UBE2H: variants seen among roughly 807,000 people sequenced by gnomAD.
The protein encoded by UBE2H is ubiquitin-conjugating enzyme E2 H.
A neutral mutation model predicts 29.0 loss-of-function variants in UBE2H; 3 were observed. That is an observed-to-expected ratio of 0.10 (90% confidence interval 0.05 to 0.27). UBE2H has a LOEUF of 0.27. Among genes scored for constraint, UBE2H ranks in the 10% least tolerant of loss-of-function variants. The probability of loss-of-function intolerance (pLI) is 1.00; values close to 1 mark genes in which losing one functional copy is unlikely to be tolerated. For missense variants in UBE2H, 68 were observed against 228.2 expected, an observed-to-expected ratio of 0.30 and a Z score of 4.52; for synonymous variants, 69 against 82.9, an observed-to-expected ratio of 0.83 and a Z score of 0.91.
At chr7:129,868,586 CAAAAAAAAA>C (rs11356893) in intron 3 of UBE2H, among the ~76,000 whole-genome samples, 6 of 69,520 alleles carry the variant, frequency 8.6e-5, no homozygotes, top group African/African-American at 3.0e-4. Flanking sequence ...GACTCCGTCT[CAAAAAAAAA>C]AAAAAAAAAA....
At chr7:129,923,331 T>C (rs1156371397) in intron 1 of UBE2H, among the ~76,000 whole-genome samples, 1 of 152,194 alleles carries the variant, frequency 6.6e-6, no homozygotes, top group Non-Finnish European at 1.5e-5. Flanking sequence ...GCAGCTAAAA[T>C]AAAGATCTAC....
chr7:129,868,586 CAAAAAAAA>C (rs11356893), intron 3 of UBE2H, among the ~76,000 whole-genome samples: 33 of 69,526 alleles, frequency 4.7e-4, no homozygotes, highest in Admixed American at 8.7e-4. Flanking sequence ...GACTCCGTCT[CAAAAAAAA>C]AAAAAAAAAA....
chr7:129,889,322 T>G (rs767575984), intron 1 of UBE2H, among the ~76,000 whole-genome samples: 2 of 152,216 alleles, frequency 1.3e-5, no homozygotes, highest in Non-Finnish European at 2.9e-5. Flanking sequence ...ACATGAATCA[T>G]GGGACATTAA....
intron 1 of UBE2H, among the ~76,000 whole-genome samples, chr7:129,940,681 C>G (rs1019993819): frequency 6.6e-6 from 1 of 152,180 alleles, no homozygotes; most frequent in Non-Finnish European, 1.5e-5. Context: ...AGGGCTTCCC[C>G]AGGCTCTTGA....
intron 3 of UBE2H, among the ~76,000 whole-genome samples, chr7:129,879,036 C>G (rs1236995332): frequency 6.6e-6 from 1 of 152,184 alleles, no homozygotes; most frequent in African/African-American, 2.4e-5. Context: ...GAAAGTACCT[C>G]TTTGTACAAC....
chr7:129,897,169 C>A (rs1806616609), intron 1 of UBE2H, among the ~76,000 whole-genome samples: 1 of 152,144 alleles, frequency 6.6e-6, no homozygotes, highest in Non-Finnish European at 1.5e-5. Flanking sequence ...GGATAATTAC[C>A]AGTTTATGTC....
chr7:129,925,448 C>T (rs1025014560), intron 1 of UBE2H, among the ~76,000 whole-genome samples: 16 of 152,054 alleles, frequency 1.1e-4, no homozygotes, highest in Admixed American at 9.8e-4. Context: ...TTCATGGGAG[C>T]TAGGCCTATA....
At chr7:129,907,406 T>C (rs553255397) in intron 1 of UBE2H, among the ~76,000 whole-genome samples, 3 of 152,170 alleles carry the variant, frequency 2.0e-5, no homozygotes, top group East Asian at 1.9e-4. Flanking sequence ...GTCCAAGGAA[T>C]ATCATAGGCA....
chr7:129,835,258 T>C (rs895653275), intron 6 of UBE2H, among the ~76,000 whole-genome samples, 197 bp from the exon 7 acceptor site: 1 of 152,156 alleles, frequency 6.6e-6, no homozygotes, highest in Non-Finnish European at 1.5e-5. Flanking sequence ...TTTCTGCATT[T>C]TGCCCCCTGA....
intron 1 of UBE2H, among the ~76,000 whole-genome samples, chr7:129,915,791 T>G (rs1452351525): frequency 6.6e-6 from 1 of 152,152 alleles, no homozygotes; most frequent in Non-Finnish European, 1.5e-5. Context: ...TCAAGAGAAC[T>G]CCTACCATCC....
At chr7:129,905,639 A>C (rs550389239) in intron 1 of UBE2H, among the ~76,000 whole-genome samples, 77 of 152,322 alleles carry the variant, frequency 5.1e-4, no homozygotes, top group Non-Finnish European at 9.7e-4. Context: ...GATTTTTGTA[A>C]GAAATGTTTG....
chr7:129,938,077 C>A (rs1325716549), intron 1 of UBE2H, among the ~76,000 whole-genome samples: 1 of 151,978 alleles, frequency 6.6e-6, no homozygotes, highest in Non-Finnish European at 1.5e-5. Context: ...ACTGAAAATT[C>A]TTTTCCCTCC....
chr7:129,862,983 T>C (rs1011581350), intron 3 of UBE2H, among the ~76,000 whole-genome samples: 2 of 152,176 alleles, frequency 1.3e-5, no homozygotes, highest in Admixed American at 1.3e-4. Flanking sequence ...CTACAGGGCA[T>C]TATGCTTCAA....
chr7:129,883,323 G>A (rs1262851634), intron 1 of UBE2H, among the ~76,000 whole-genome samples: 2 of 152,152 alleles, frequency 1.3e-5, no homozygotes, highest in Non-Finnish European at 2.9e-5. Context: ...TTGAAAAACT[G>A]TTGGCAGTAC....
At chr7:129,835,858 C>CT (rs1317659172) in intron 6 of UBE2H, among the ~76,000 whole-genome samples, 1 of 152,200 alleles carries the variant, frequency 6.6e-6, no homozygotes, top group African/African-American at 2.4e-5. Context: ...ACCCTTGTGG[C>CT]TTTGTTTTTC....
chr7:129,948,863 T>A (rs1402840172), intron 1 of UBE2H: 1 of 311,184 alleles, frequency 3.2e-6, no homozygotes, highest in Admixed American at 4.3e-5. Flanking sequence ...CTTCTCTTTT[T>A]ACCCCTCGAA....
chr7:129,835,854 G>C (rs1432955884), intron 6 of UBE2H, among the ~76,000 whole-genome samples: 1 of 152,192 alleles, frequency 6.6e-6, no homozygotes, highest in Non-Finnish European at 1.5e-5. Context: ...ACACACCCTT[G>C]TGGCTTTGTT....
chr7:129,845,437 A>G (rs1563020029), intron 5 of UBE2H, among the ~76,000 whole-genome samples: 3 of 152,202 alleles, frequency 2.0e-5, no homozygotes, highest in Admixed American at 1.3e-4. Context: ...TTTTTGCAAG[A>G]AAATGTTCAC....
rs1805277641 is a variant in UBE2H at position 129,834,010 on chromosome 7, C to T, written c.*927G>A. ...AACCTTTCTAAGCACAATACACACA[C>T]ACACACACCAAAAAAATAACCCCCC... On this transcript the variant is annotated 3_prime_UTR_variant, in exon 7 of 7. Transcript: ENST00000355621. 1 of 152,182 alleles carries T rather than the reference C, an allele frequency of 6.6e-6. No individual in the cohort carries two copies. Among genetic ancestry groups the T allele is most frequent in the Non-Finnish European group, 1.5e-5 (1 of 68,080 alleles). The allele number at this position is 152,182 out of a possible 1,614,324, so 9.4% of individuals were successfully genotyped here. A position where few individuals can be genotyped will look rare whatever the true frequency, so the allele number is the denominator to read the frequency against.
Sources: allele counts gnomAD v4.1 joint callset (sites outside exome capture counted in the v4.1 genomes callset), GRCh38; gene constraint gnomAD v4.1.1; transcripts MANE v1.5; gene names NCBI Gene and HGNC (gene_info 2026-07-23, HGNC 2026-07-21).